The following TDP2 variants were observed in gnomAD, a reference collection of about 807,000 sequenced individuals.
TDP2 encodes 5'-Tyr-DNA phosphodiesterase.
In TDP2, 38 loss-of-function variants were observed where a neutral mutation model predicts 42.8. That is an observed-to-expected ratio of 0.89 (90% CI 0.68 to 1.16). The LOEUF (loss-of-function observed/expected upper bound fraction) is 1.16, where lower values mean the gene tolerates loss of function less well. Ranked by LOEUF, TDP2 falls within the 50% of genes most tolerant of loss-of-function variation. The pLI is 0.00. For missense variants in TDP2, 439 were observed against 439.3 expected, an observed-to-expected ratio of 1.00 and a Z score of 0.01; for synonymous variants, 173 against 150.6, an observed-to-expected ratio of 1.15 and a Z score of -1.09.
chr6:24,657,004 G>A (rs1778070071), intron 4 of TDP2, among the ~76,000 whole-genome samples: 1 of 152,090 alleles, frequency 6.6e-6, no homozygotes, highest in South Asian at 2.1e-4. Flanking sequence ...AGAAATTCTC[G>A]ATTAAGGAGT....
chr6:24,652,905 A>G, intron 6 of TDP2, 78 bp downstream of exon 6: 1 of 1,512,124 alleles, frequency 6.6e-7, no homozygotes, highest in Non-Finnish European at 9.1e-7. Flanking sequence ...TAGTTTTAAC[A>G]GCTTTGGTCA....
rs565276220 is a variant in TDP2 at position 24,649,983 on chromosome 6, A to G, written c.*805T>C. On this transcript the variant is annotated 3_prime_UTR_variant, in exon 7 of 7. Coordinates refer to ENST00000378198, the MANE Select transcript of TDP2 (RefSeq NM_016614.3). ...AACATACTAAAACAAACCATAAACA[A>G]ATAAAATTCTTTATTTAAATTTCTC... 6.6e-6 allele frequency: 1 copy of G among 152,296 alleles called. No homozygotes were observed. Among genetic ancestry groups the G allele is most frequent in the South Asian group, 2.1e-4 (1 of 4,830 alleles). The allele number at this position is 152,296 out of a possible 1,614,324, so 9.4% of individuals were successfully genotyped here.
At chr6:24,658,274 C>T (rs1455194478) in intron 3 of TDP2, among the ~76,000 whole-genome samples, 1 of 152,180 alleles carries the variant, frequency 6.6e-6, no homozygotes, top group Non-Finnish European at 1.5e-5. Flanking sequence ...GGTCACAGAG[C>T]CAGCATGGGG....
chr6:24,657,016 G>C (rs1193587041), intron 4 of TDP2, among the ~76,000 whole-genome samples: 3 of 152,148 alleles, frequency 2.0e-5, no homozygotes, highest in Non-Finnish European at 4.4e-5. Context: ...TTAAGGAGTC[G>C]ATTGAAACTA....
intron 2 of TDP2, among the ~76,000 whole-genome samples, chr6:24,664,736 C>T (rs193127117): frequency 6.6e-6 from 1 of 152,228 alleles, no homozygotes; most frequent in Admixed American, 6.5e-5. Context: ...CTTAGAAACA[C>T]GCTGAAGTTT....
chr6:24,656,331 G>C (rs1778060939), intron 4 of TDP2, among the ~76,000 whole-genome samples: 1 of 151,920 alleles, frequency 6.6e-6, no homozygotes, highest in Admixed American at 6.6e-5. Flanking sequence ...CAACCCAGGA[G>C]ATCCACCGTT....
At chr6:24,662,781 G>T (rs938940851) in intron 2 of TDP2, among the ~76,000 whole-genome samples, 1 of 152,182 alleles carries the variant, frequency 6.6e-6, no homozygotes, top group Non-Finnish European at 1.5e-5. Flanking sequence ...TGGAGGGGCT[G>T]GCCCCCTTCA....
At chr6:24,659,704 G>T (rs898618611) in intron 2 of TDP2, among the ~76,000 whole-genome samples, 2 of 152,282 alleles carry the variant, frequency 1.3e-5, no homozygotes, top group Non-Finnish European at 2.9e-5. Flanking sequence ...AATAGGAACT[G>T]CAAATTCTTT....
chr6:24,666,039 T>G, intron 2 of TDP2: 1 of 1,486,608 alleles, frequency 6.7e-7, no homozygotes, highest in East Asian at 2.5e-5. Context: ...AGCTACACTT[T>G]TTAAGTGCAG....
Position 24,651,104 on chromosome 6 carries a change from T to C in TDP2, c.808-35A>G, listed in dbSNP as rs748509364. 10 of 1,468,610 alleles carry C rather than the reference T, an allele frequency of 6.8e-6. No individual in the cohort carries two copies. The South Asian group carries it at 7.8e-5, about 12-fold the overall frequency. The allele number at this position is 1,468,610 out of a possible 1,614,324, so 91.0% of individuals were successfully genotyped here. A position where few individuals can be genotyped will look rare whatever the true frequency, so the allele number is the denominator to read the frequency against. ...AGAAGAATACTCTCTAAGATACACA[T>C]AGCCTTTTGCCCACTAACTTAAAAA... On this transcript the variant is annotated intron_variant, in intron 6 of 6. Coordinates refer to ENST00000378198, the MANE Select transcript of TDP2 (RefSeq NM_016614.3).
intron 2 of TDP2, among the ~76,000 whole-genome samples, chr6:24,665,080 G>A (rs1267223586): frequency 6.6e-6 from 1 of 152,188 alleles, no homozygotes. Flanking sequence ...ATGTCACAGA[G>A]CCTGGTACAG....
At chr6:24,651,806 C>T (rs1054648867) in intron 6 of TDP2, among the ~76,000 whole-genome samples, 3 of 152,174 alleles carry the variant, frequency 2.0e-5, no homozygotes, top group African/African-American at 4.8e-5. Context: ...AGGCTGGTCT[C>T]GAACTCCTGG....
At chr6:24,660,688 G>A (rs938925694) in intron 2 of TDP2, among the ~76,000 whole-genome samples, 7 of 152,088 alleles carry the variant, frequency 4.6e-5, no homozygotes, top group Admixed American at 2.6e-4. Context: ...TAAAGACCTA[G>A]ACCAATCTTG....
Position 24,654,455 on chromosome 6 carries a change from G to A in TDP2, c.593C>T (p.Pro198Leu), listed in dbSNP as rs778750350. 1 of 1,586,342 alleles carries A rather than the reference G, an allele frequency of 6.3e-7. No homozygotes were observed. Among genetic ancestry groups the A allele is most frequent in the Non-Finnish European group, 8.6e-7 (1 of 1,163,404 alleles). Residue 198 changes from proline (P) to leucine (L), a missense_variant, in exon 5 of 7, where the codon CCT (proline) becomes CTT (leucine). Physicochemically the swap from Pro to Leu is moderately conservative, Grantham distance 98. Coordinates refer to ENST00000378198, the MANE Select transcript of TDP2 (RefSeq NM_016614.3). ...TCTCATCATTTTGGTACTTGGAAAA[G>A]GAATAATCTCTTGGCTTTTTAATTT... ...RVKLKSQEIIPFPSTKMMRNL... is the reference protein window; with the variant it reads ...RVKLKSQEIILFPSTKMMRNL...
intron 2 of TDP2, 41 bp from the exon 3 acceptor site, chr6:24,658,775 A>G (rs530221795): frequency 2.6e-6 from 4 of 1,560,172 alleles, no homozygotes; most frequent in Admixed American, 2.0e-5. Flanking sequence ...CAAATAATCT[A>G]TAAATTGATT....
rs571489469 is a variant in TDP2, at chr6:24,650,745, G to T, written c.*43C>A. The stretch of plus-strand genomic sequence containing the variant: ...CCTACCTTTCCAGAAGGTGGAAATT[G>T]TATTTGCAACAATCAGGGCAAAACC... On this transcript the variant is annotated 3_prime_UTR_variant, in exon 7 of 7. Transcript: ENST00000378198. 2.5e-6 allele frequency: 4 copies of T among 1,588,492 alleles called. No homozygotes were observed. The South Asian group carries it at 4.5e-5, about 18-fold the overall frequency.
Position 24,650,713 on chromosome 6 carries a change from C to G in TDP2, c.*75G>C. 6.7e-7 allele frequency: 1 copy of G among 1,482,234 alleles called. No individual in the cohort carries two copies. The highest frequency in any genetic ancestry group is 9.2e-7 in the Non-Finnish European group (1 of 1,085,908). 91.8% of individuals were successfully genotyped at this position (1,482,234 alleles called of 1,614,324 possible). A position where few individuals can be genotyped will look rare whatever the true frequency, so the allele number is the denominator to read the frequency against. On this transcript the variant is annotated 3_prime_UTR_variant, in exon 7 of 7. Coordinates refer to ENST00000378198, the MANE Select transcript of TDP2 (RefSeq NM_016614.3). ...ATGATCTAGTACATTATTTCCTCCACAGCAAACCTACCTTTCCAGAAGGTG... is the reference window on the plus strand; with the variant it reads ...ATGATCTAGTACATTATTTCCTCCAGAGCAAACCTACCTTTCCAGAAGGTG...
At chr6:24,659,200 A>G (rs1461857791) in intron 2 of TDP2, 1 of 152,728 alleles carries the variant, frequency 6.5e-6, no homozygotes, top group East Asian at 1.9e-4. Flanking sequence ...CCAATCAACA[A>G]TCCTCACACC....
At chr6:24,662,426 A>C (rs935215251) in intron 2 of TDP2, among the ~76,000 whole-genome samples, 1 of 151,724 alleles carries the variant, frequency 6.6e-6, no homozygotes, top group Admixed American at 6.6e-5. Context: ...CGGCAATACT[A>C]CTCTTTATTG....
Sources: gnomAD v4.1 joint callset for allele counts (sites outside exome capture counted in the v4.1 genomes callset) on GRCh38, gnomAD v4.1.1 for gene constraint, MANE v1.5 for transcripts, NCBI Gene and HGNC (gene_info 2026-07-23, HGNC 2026-07-21) for gene names.